The following FBXO31 variants were observed in gnomAD, a reference collection of about 807,000 sequenced individuals.
The protein encoded by FBXO31 is F-box protein 31.
FBXO31 carries 24 observed loss-of-function variants against 54.4 expected under a neutral mutation model. The observed-to-expected ratio is 0.44, with a 90% CI of 0.32 to 0.62. The LOEUF (loss-of-function observed/expected upper bound fraction) is 0.62. Ranked by LOEUF, FBXO31 falls within the 20% of genes least tolerant of loss-of-function variation. FBXO31 has a pLI of 0.05. For synonymous variants in FBXO31, 388 were observed against 335.6 expected (o/e 1.16, Z -1.71); for missense variants, 665 against 787.1 (o/e 0.84, Z 1.86).
chr16:87,343,472 C>G, intron 4 of FBXO31, 126 bp downstream of exon 4: 1 of 1,184,594 alleles, frequency 8.4e-7, no homozygotes. Flanking sequence ...CAGGGCGGAG[C>G]CTCCCTCCCA....
chr16:87,339,728 A>G (rs1905135127), intron 5 of FBXO31, among the ~76,000 whole-genome samples: 1 of 152,248 alleles, frequency 6.6e-6, no homozygotes, highest in African/African-American at 2.4e-5. Flanking sequence ...TCCAATTGCA[A>G]GAAGAGACAG....
chr16:87,377,194 T>C (rs148580591), intron 1 of FBXO31, among the ~76,000 whole-genome samples: 1,624 of 152,316 alleles, frequency 0.011, 8 homozygotes, highest in Non-Finnish European at 0.017. Context: ...CCAGTAATCC[T>C]AGCACTTTGG....
In FBXO31 at chr16:87,333,950, G is replaced by A. The variant is rs1680453496; in HGVS notation, c.1333C>T (p.Pro445Ser). 4 of 1,612,282 alleles carry A rather than the reference G, an allele frequency of 2.5e-6. No homozygotes were observed. Among genetic ancestry groups the A allele is most frequent in the Admixed American group, 3.3e-5 (2 of 59,954 alleles). ...EQPAQCGQGQ[P>S]FVLPVGVSSR... Reference sequence around the variant, plus strand: ...CTCACGCCCACGGGCAGCACGAACGGCTGCCCCTGCCCACACTGGGCAGGC... The same window carrying A: ...CTCACGCCCACGGGCAGCACGAACGACTGCCCCTGCCCACACTGGGCAGGC... Residue 445 changes from proline (P) to serine (S), a missense_variant, in exon 8 of 9, where the codon CCG becomes TCG. Pro to Ser is a moderately conservative substitution (Grantham distance 74). Coordinates refer to ENST00000311635, the MANE Select transcript of FBXO31 (RefSeq NM_024735.5).
chr16:87,356,889 A>C (rs1420575900), intron 2 of FBXO31, among the ~76,000 whole-genome samples: 1 of 152,130 alleles, frequency 6.6e-6, no homozygotes, highest in Non-Finnish European at 1.5e-5. Flanking sequence ...AGGTGTTTTC[A>C]ATCTCTTTCT....
intron 1 of FBXO31, chr16:87,367,596 G>A (rs1170729151): frequency 6.6e-6 from 1 of 152,258 alleles, no homozygotes; most frequent in Non-Finnish European, 1.5e-5. Context: ...TGGAGCTTCA[G>A]TTTGCTGCGT....
At chr16:87,342,092 G>T (rs1905213379) in intron 5 of FBXO31, among the ~76,000 whole-genome samples, 1 of 152,148 alleles carries the variant, frequency 6.6e-6, no homozygotes, top group Non-Finnish European at 1.5e-5. Flanking sequence ...TTGAGGCAGG[G>T]TCTCACTCTG....
At position 87,335,619 on chromosome 16, in the gene FBXO31, G is replaced by A. The variant is rs536573403; in HGVS notation, c.843-162C>T. Among the ~76,000 whole-genome samples, 1 of 152,306 alleles carries A rather than the reference G, an allele frequency of 6.6e-6. No individual in the cohort carries two copies. The highest frequency in any genetic ancestry group is 2.1e-4 in the South Asian group (1 of 4,834). On this transcript the variant is annotated intron_variant, in intron 6 of 8. Coordinates refer to ENST00000311635, the MANE Select transcript of FBXO31 (RefSeq NM_024735.5). This position sits in a 1 kb window ranked among gnomAD's most constrained non-coding sequence, Gnocchi z 5.7. ...GGCCTGTGGGCAGCAATGCGCCCAG[G>A]GGAGCCCTCACCCCCACCACCCACC...
At chr16:87,362,123 G>A (rs1241847716) in intron 1 of FBXO31, among the ~76,000 whole-genome samples, 2 of 149,834 alleles carry the variant, frequency 1.3e-5, no homozygotes, top group Middle Eastern at 3.5e-3. Flanking sequence ...GGAAGCTGCT[G>A]ATTCCAGATC....
rs1264351080 is a variant in FBXO31 at position 87,338,033 on chromosome 16, C to G, written c.733-1769G>C. On this transcript the variant is annotated intron_variant, in intron 5 of 8. Coordinates refer to ENST00000311635, the MANE Select transcript of FBXO31 (RefSeq NM_024735.5). This position sits in a 1 kb window ranked among gnomAD's most constrained non-coding sequence, Gnocchi z 4.3. ...AACAAAAGTAACTGAATGTAATGAA[C>G]AAAGATTTCAATGTTACCGCTGTGA... is the stretch of plus-strand genomic sequence containing the variant. Among the ~76,000 whole-genome samples the G allele has an allele frequency of 3.3e-5, 5 of 152,108 alleles. No homozygotes were observed. The highest frequency in any genetic ancestry group is 5.9e-5 in the Non-Finnish European group (4 of 68,006).
chr16:87,369,875 CA>C (rs35142640), intron 1 of FBXO31, among the ~76,000 whole-genome samples: 9 of 148,586 alleles, frequency 6.1e-5, no homozygotes, highest in South Asian at 2.1e-4. Flanking sequence ...AAGAAAATTT[CA>C]AAAAAAAAAT....
chr16:87,342,491 G>A (rs915594021), intron 5 of FBXO31, among the ~76,000 whole-genome samples: 2 of 152,156 alleles, frequency 1.3e-5, no homozygotes, highest in African/African-American at 4.8e-5. Context: ...GCCTCCACAC[G>A]GTCTGCTCAA....
At chr16:87,377,650 A>AC (rs767060134) in intron 1 of FBXO31, among the ~76,000 whole-genome samples, 186 of 151,996 alleles carry the variant, frequency 1.2e-3, no homozygotes, top group Admixed American at 3.3e-3. Flanking sequence ...ACACAGTGAG[A>AC]CCCCATCTCT....
In FBXO31 at chr16:87,335,186, A is replaced by C; in HGVS notation, c.996+118T>G. On this transcript the variant is annotated intron_variant, in intron 7 of 8. Transcript: ENST00000311635. The surrounding 1 kb of genome is among the most constrained non-coding windows in gnomAD (Gnocchi z 5.7). ...CCAAGCTCCCGGGGCTGCAGGTGCA[A>C]GCCCACTCTGAGGAGCAAGGGTGCC... 2.1e-6 allele frequency: 3 copies of C among 1,451,972 alleles called. No individual in the cohort carries two copies. The highest frequency in any genetic ancestry group is 1.9e-6 in the Non-Finnish European group (2 of 1,054,194). 89.9% of individuals were successfully genotyped at this position (1,451,972 alleles called of 1,614,324 possible). A position where few individuals can be genotyped will look rare whatever the true frequency, so the allele number is the denominator to read the frequency against.
chr16:87,353,531 G>A (rs796549232), intron 2 of FBXO31, among the ~76,000 whole-genome samples: 2 of 152,262 alleles, frequency 1.3e-5, no homozygotes, highest in African/African-American at 4.8e-5. Flanking sequence ...CAGAGACTCA[G>A]AGACAGAGGG....
At chr16:87,333,811 T>C in intron 8 of FBXO31, 75 bp downstream of exon 8, 1 of 1,494,700 alleles carries the variant, frequency 6.7e-7, no homozygotes, top group South Asian at 1.3e-5. Context: ...CCGCCTGTGC[T>C]AGGTGTGGGG....
chr16:87,385,233 C>T (rs1213053620), upstream of FBXO31, among the ~76,000 whole-genome samples: 1 of 152,080 alleles, frequency 6.6e-6, no homozygotes. Context: ...CCGAGGCGGG[C>T]AGATCATGAG....
intron 1 of FBXO31, among the ~76,000 whole-genome samples, chr16:87,379,790 G>T (rs1906993422): frequency 6.6e-6 from 1 of 151,738 alleles, no homozygotes. Flanking sequence ...GTTTCACCAT[G>T]TCGGCCAGGC....
At position 87,345,798 on chromosome 16, in the gene FBXO31, G is replaced by A. The variant is rs564449181; in HGVS notation, c.489+1376C>T. ...GGGCAGGGCCTTCTCCCCCCTTCCT[G>A]AGGCCACTGACCACTGGCTGGGGAG... On this transcript the variant is annotated intron_variant, in intron 3 of 8. Transcript: ENST00000311635. The surrounding 1 kb of genome is among the most constrained non-coding windows in gnomAD (Gnocchi z 4.9). 1.2e-4 allele frequency among the ~76,000 whole-genome samples: 19 copies of A among 152,360 alleles called. No homozygotes were observed. Among genetic ancestry groups the A allele is most frequent in the African/African-American group, 4.6e-4 (19 of 41,588 alleles).
intron 1 of FBXO31, among the ~76,000 whole-genome samples, chr16:87,380,749 G>A (rs551082592): frequency 6.6e-6 from 1 of 152,328 alleles, no homozygotes; most frequent in African/African-American, 2.4e-5. Context: ...GGTGTCCCAG[G>A]ACAGCTGCGC....
Sources: allele counts gnomAD v4.1 joint callset (sites outside exome capture counted in the v4.1 genomes callset), GRCh38; gene constraint gnomAD v4.1.1; non-coding constraint Gnocchi (gnomAD v3.1); transcripts MANE v1.5; gene names NCBI Gene and HGNC (gene_info 2026-07-23, HGNC 2026-07-21).